The following ANKRD30BL variants were observed in gnomAD, a reference collection of about 807,000 sequenced individuals.
ANKRD30BL encodes the protein putative ankyrin repeat domain-containing protein 30B-like.
A neutral mutation model predicts 18.4 loss-of-function variants in ANKRD30BL; 20 were observed. The observed-to-expected ratio is 1.09, with a 90% CI of 0.77 to 1.58. ANKRD30BL has a LOEUF of 1.58. ANKRD30BL is among the 40% of genes most tolerant of loss of function. The probability of loss-of-function intolerance (pLI) is 0.00; values close to 1 mark genes in which losing one functional copy is unlikely to be tolerated. For synonymous variants in ANKRD30BL, 72 were observed against 100.9 expected, an observed-to-expected ratio of 0.71 and a Z score of 1.72; for missense variants, 224 against 268.6, an observed-to-expected ratio of 0.83 and a Z score of 1.16.
chr2:132,238,634 C>T (rs796950606), intron 1 of ANKRD30BL, among the ~76,000 whole-genome samples: 1 of 152,002 alleles, frequency 6.6e-6, no homozygotes, highest in African/African-American at 2.4e-5. Flanking sequence ...AAAAACTAGA[C>T]AGAAGCATTC....
intron 1 of ANKRD30BL, among the ~76,000 whole-genome samples, chr2:132,248,642 C>T (rs369773217): frequency 2.4e-4 from 37 of 151,518 alleles, no homozygotes; most frequent in South Asian, 8.4e-4. Flanking sequence ...GACCTCAAGC[C>T]GCTCACAAAT....
chr2:132,170,928 G>A (rs1226966072), intron 1 of ANKRD30BL, among the ~76,000 whole-genome samples: 2 of 152,284 alleles, frequency 1.3e-5, no homozygotes, highest in East Asian at 3.9e-4. Context: ...AGGCCGAGGC[G>A]GGCGGATCAC....
intron 1 of ANKRD30BL, among the ~76,000 whole-genome samples, chr2:132,204,783 T>C (rs1304566484): frequency 6.6e-6 from 1 of 152,182 alleles, no homozygotes; most frequent in Non-Finnish European, 1.5e-5. Context: ...TTAGATGAGA[T>C]GGGCAATGCT....
intron 1 of ANKRD30BL, among the ~76,000 whole-genome samples, chr2:132,235,034 A>G (rs565393619): frequency 6.6e-6 from 1 of 152,308 alleles, no homozygotes; most frequent in Admixed American, 6.5e-5. Flanking sequence ...GGTTCAATAT[A>G]CGCAAATCAA....
chr2:132,191,625 G>C (rs1197671636), intron 1 of ANKRD30BL, among the ~76,000 whole-genome samples: 2 of 151,802 alleles, frequency 1.3e-5, no homozygotes, highest in African/African-American at 4.8e-5. Flanking sequence ...GGTGGTTAAT[G>C]ATGCATTTTT....
intron 1 of ANKRD30BL, among the ~76,000 whole-genome samples, chr2:132,192,756 C>A (rs1678887303): frequency 6.6e-6 from 1 of 152,202 alleles, no homozygotes; most frequent in Admixed American, 6.5e-5. Context: ...GAGAAAGGGG[C>A]AATCTCTGTT....
intron 4 of ANKRD30BL, 104 bp from the exon 5 acceptor site, chr2:132,151,080 C>T (rs1687742759): frequency 4.6e-6 from 2 of 432,730 alleles, no homozygotes; most frequent in Admixed American, 4.5e-5. Flanking sequence ...AATATTAGAG[C>T]TAACATCAGA....
rs1289119260 is a variant in ANKRD30BL, at chr2:132,240,763, C to A, written n.441+16766G>T. On this transcript the variant is annotated intron_variant and non_coding_transcript_variant, in intron 1 of 4. Transcript: ENST00000470729. Reference sequence around the variant, plus strand: ...TACCTTTCAGTTAGCAGATTTGAAACCCTCTTTTTGTAGTTTCTGGAAGTG... The same window carrying A: ...TACCTTTCAGTTAGCAGATTTGAAAACCTCTTTTTGTAGTTTCTGGAAGTG... Among the ~76,000 whole-genome samples the A allele has an allele frequency of 5.3e-5, 8 of 151,528 alleles. No homozygotes were observed. In the South Asian group the frequency reaches 6.2e-4, roughly 12 times the overall value.
intron 1 of ANKRD30BL, among the ~76,000 whole-genome samples, chr2:132,249,221 T>G (rs1428169517): frequency 1.3e-5 from 2 of 151,902 alleles, no homozygotes; most frequent in East Asian, 1.9e-4. Flanking sequence ...ATCAAAGGAA[T>G]GGCTCAACTC....
rs763199936 is a variant in ANKRD30BL at position 132,161,488 on chromosome 2, C to T, written c.218G>A (p.Arg73Lys). 31 of 1,455,684 alleles carry T rather than the reference C, an allele frequency of 2.1e-5. 1 individual carries two copies. The South Asian group carries it at 3.7e-4, about 17-fold the overall frequency. The allele number at this position is 1,455,684 out of a possible 1,614,324, so 90.2% of individuals were successfully genotyped here. Residue 73 changes from arginine (R) to lysine (K), a missense_variant and splice_region_variant, in exon 1 of 6, where the codon AGG (arginine) becomes AAG (lysine). Arg to Lys is a conservative substitution (Grantham distance 26, BLOSUM62 2). Transcript: ENST00000409867. ...MDLNIRDAKKRTALYWACANG... is the reference protein window; with the variant it reads ...MDLNIRDAKKKTALYWACANG... The stretch of plus-strand genomic sequence containing the variant: ...CCCCGGCTCAGGCAGGGCCTGGTAC[C>T]TCTTCTTCGCATCTCTTATGTTCAG...
chr2:132,236,196 G>T (rs911887190), intron 1 of ANKRD30BL, among the ~76,000 whole-genome samples: 1 of 152,072 alleles, frequency 6.6e-6, no homozygotes, highest in Non-Finnish European at 1.5e-5. Flanking sequence ...ATTCAAGATG[G>T]ATTAAAGACT....
At chr2:132,212,870 A>G (rs1368377257) in intron 1 of ANKRD30BL, among the ~76,000 whole-genome samples, 1 of 152,052 alleles carries the variant, frequency 6.6e-6, no homozygotes, top group Non-Finnish European at 1.5e-5. Flanking sequence ...AATTCATCTC[A>G]CAGAGTTGTA....
intron 1 of ANKRD30BL, among the ~76,000 whole-genome samples, chr2:132,237,036 A>G (rs1680168605): frequency 1.3e-5 from 2 of 151,796 alleles, no homozygotes; most frequent in Admixed American, 1.3e-4. Context: ...CAAAAAACCA[A>G]ACACTGCATA....
chr2:132,201,690 G>GAAAA (rs1679101917), intron 1 of ANKRD30BL, among the ~76,000 whole-genome samples: 3 of 152,152 alleles, frequency 2.0e-5, no homozygotes, highest in Non-Finnish European at 4.4e-5. Flanking sequence ...TTACACTGTT[G>GAAAA]GTGGGACTGT....
intron 1 of ANKRD30BL, among the ~76,000 whole-genome samples, chr2:132,240,789 G>T (rs1206059439): frequency 1.3e-5 from 2 of 151,692 alleles, no homozygotes; most frequent in African/African-American, 4.8e-5. Context: ...TCTGGAAGTG[G>T]ACATTTGGAG....
chr2:132,183,979 A>G (rs1434660897), intron 1 of ANKRD30BL, among the ~76,000 whole-genome samples: 1 of 152,150 alleles, frequency 6.6e-6, no homozygotes, highest in Admixed American at 6.6e-5. Flanking sequence ...GGCAGGCACC[A>G]ACAGTAAGTG....
chr2:132,209,184 T>TA (rs1347288647), intron 1 of ANKRD30BL, among the ~76,000 whole-genome samples: 1 of 152,072 alleles, frequency 6.6e-6, no homozygotes, highest in Non-Finnish European at 1.5e-5. Flanking sequence ...TATCTTCACA[T>TA]AAAAACTAGA....
intron 1 of ANKRD30BL, among the ~76,000 whole-genome samples, chr2:132,237,019 G>A (rs542011717): frequency 1.2e-4 from 18 of 151,288 alleles, no homozygotes; most frequent in East Asian, 3.9e-4. Context: ...GTAAACTATC[G>A]CAAGAACAAA....
chr2:132,213,235 G>T (rs1679402442), intron 1 of ANKRD30BL, among the ~76,000 whole-genome samples: 1 of 150,468 alleles, frequency 6.6e-6, no homozygotes, highest in Admixed American at 6.6e-5. Context: ...TCCTTAGATT[G>T]AGCAGCTTTG....
Sources: allele counts gnomAD v4.1 joint callset (sites outside exome capture counted in the v4.1 genomes callset), GRCh38; gene constraint gnomAD v4.1.1; transcripts MANE v1.5; gene names NCBI Gene and HGNC (gene_info 2026-07-23, HGNC 2026-07-21).